The following IL1RAPL1 variants were observed in gnomAD, a reference collection of about 807,000 sequenced individuals.
The protein encoded by IL1RAPL1 is interleukin-1 receptor accessory protein-like 1.
A neutral mutation model predicts 48.4 loss-of-function variants in IL1RAPL1; 3 were observed. That is an observed-to-expected ratio of 0.06 (90% CI 0.03 to 0.16). IL1RAPL1 has a LOEUF of 0.16. Among genes scored for constraint, IL1RAPL1 ranks in the 10% least tolerant of loss-of-function variants. IL1RAPL1 has a pLI of 1.00. For missense variants in IL1RAPL1, 349 were observed against 530.6 expected, an observed-to-expected ratio of 0.66 and a Z score of 3.36; for synonymous variants, 185 against 187.7, an observed-to-expected ratio of 0.99 and a Z score of 0.12.
At chrX:28,632,185 T>A (rs1934408925) in intron 1 of IL1RAPL1, among the ~76,000 whole-genome samples, 1 of 111,575 alleles carries the variant, frequency 9.0e-6, no homozygotes, top group Non-Finnish European at 1.9e-5. Flanking sequence ...CAAGGTGTCG[T>A]TAATGGTGGT....
At chrX:29,904,557 G>A (rs1433735131) in intron 6 of IL1RAPL1, among the ~76,000 whole-genome samples, 4 of 106,432 alleles carry the variant, frequency 3.8e-5, no homozygotes, top group East Asian at 5.8e-4. Flanking sequence ...AGTGTGTGAT[G>A]TTCCCCTCCC....
intron 2 of IL1RAPL1, among the ~76,000 whole-genome samples, chrX:29,264,921 A>G (rs1261646716): frequency 2.7e-5 from 3 of 110,637 alleles, no homozygotes; most frequent in Admixed American, 1.9e-4. Flanking sequence ...TTTTTTTATT[A>G]TTATTTTTGA....
chrX:29,615,458 G>A (rs1468126196), intron 5 of IL1RAPL1, among the ~76,000 whole-genome samples: 5 of 110,964 alleles, frequency 4.5e-5, no homozygotes. Context: ...AAAGTTCTCT[G>A]CTAGCTTCCT....
chrX:29,336,308 T>G (rs1204009037), intron 3 of IL1RAPL1, among the ~76,000 whole-genome samples: 3 of 13,259 alleles, frequency 2.3e-4, no homozygotes, highest in South Asian at 2.7e-3. Flanking sequence ...TTTTGGGGTG[T>G]GTGTGTGTGT....
intron 2 of IL1RAPL1, among the ~76,000 whole-genome samples, chrX:29,073,624 G>T (rs1341222955): frequency 9.0e-6 from 1 of 111,004 alleles, no homozygotes; most frequent in Non-Finnish European, 1.9e-5. Flanking sequence ...TCCATATACT[G>T]TCTGATTCTT....
intron 2 of IL1RAPL1, among the ~76,000 whole-genome samples, chrX:28,884,383 A>T (rs893928072): frequency 2.7e-5 from 3 of 111,477 alleles, no homozygotes; most frequent in Non-Finnish European, 5.7e-5. Flanking sequence ...AAGGTATAGA[A>T]CTTTGGAAAC....
intron 2 of IL1RAPL1, among the ~76,000 whole-genome samples, chrX:29,032,909 G>T (rs1926653245): frequency 8.9e-6 from 1 of 112,296 alleles, no homozygotes; most frequent in South Asian, 3.6e-4. Flanking sequence ...AATTTTATAA[G>T]GTTGTATGAG....
intron 1 of IL1RAPL1, among the ~76,000 whole-genome samples, chrX:28,726,588 T>C (rs1282942225): frequency 8.9e-6 from 1 of 112,166 alleles, no homozygotes; most frequent in African/African-American, 3.2e-5. Context: ...TTAAACATTA[T>C]TTAAGAAATT....
intron 5 of IL1RAPL1, among the ~76,000 whole-genome samples, chrX:29,440,486 A>G (rs1309508204): frequency 8.9e-6 from 1 of 111,740 alleles, no homozygotes; most frequent in Non-Finnish European, 1.9e-5. Context: ...GCCAGTAATT[A>G]CTTTCAATCA....
intron 1 of IL1RAPL1, among the ~76,000 whole-genome samples, chrX:28,750,812 T>C (rs980028288): frequency 2.7e-5 from 3 of 112,216 alleles, no homozygotes; most frequent in Non-Finnish European, 5.6e-5. Context: ...GACAAATCAG[T>C]TTGGAAATAG....
At chrX:29,074,003 A>C (rs921817996) in intron 2 of IL1RAPL1, among the ~76,000 whole-genome samples, 5 of 111,372 alleles carry the variant, frequency 4.5e-5, no homozygotes, top group African/African-American at 1.3e-4. Flanking sequence ...TTTACAGTAT[A>C]TTTTGAGGGA....
chrX:29,732,846 G>C (rs2147131452), intron 6 of IL1RAPL1, among the ~76,000 whole-genome samples: 2 of 112,160 alleles, frequency 1.8e-5, no homozygotes, highest in South Asian at 7.3e-4. Context: ...TGCAATGGTT[G>C]CCAGAACTCT....
At chrX:28,872,196 T>G (rs926242911) in intron 2 of IL1RAPL1, among the ~76,000 whole-genome samples, 6 of 110,586 alleles carry the variant, frequency 5.4e-5, no homozygotes, top group African/African-American at 2.0e-4. Flanking sequence ...CAATTTTTTT[T>G]TTTTGTAATG....
At chrX:29,391,250 A>T (rs1172861867) in intron 3 of IL1RAPL1, among the ~76,000 whole-genome samples, 1 of 111,663 alleles carries the variant, frequency 9.0e-6, no homozygotes, top group Non-Finnish European at 1.9e-5. Context: ...GTACAACAGT[A>T]CTGAGAAACC....
chrX:28,934,895 G>A lies in IL1RAPL1; in HGVS notation c.82+145470G>A, dbSNP rs932692749. Among the ~76,000 whole-genome samples, 5 of 111,597 alleles carry A rather than the reference G, an allele frequency of 4.5e-5. No individual in the cohort carries two copies. The East Asian group carries it at 8.5e-4, about 19-fold the overall frequency. The stretch of plus-strand genomic sequence containing the variant: ...CTGTCTTTATGAATAGAAATGCTGT[G>A]TCATATAGTAACTCTATATTTAACT... On this transcript the variant is annotated intron_variant, in intron 2 of 10. Transcript: ENST00000378993.
chrX:29,239,750 A>G (rs1365238021), intron 2 of IL1RAPL1, among the ~76,000 whole-genome samples: 1 of 109,318 alleles, frequency 9.1e-6, no homozygotes, highest in Non-Finnish European at 1.9e-5. Context: ...CTCATCAGCT[A>G]TCATTAGTGT....
chrX:29,801,487 C>T (rs1047178500), intron 6 of IL1RAPL1, among the ~76,000 whole-genome samples: 2 of 111,063 alleles, frequency 1.8e-5, no homozygotes, highest in African/African-American at 6.6e-5. Context: ...GAGACTACAT[C>T]CCCCACAACC....
intron 5 of IL1RAPL1, among the ~76,000 whole-genome samples, chrX:29,484,790 A>G (rs1170350471): frequency 8.9e-6 from 1 of 112,023 alleles, no homozygotes. Context: ...GGAAGACAGA[A>G]CGCAAAGCAA....
At chrX:29,586,552 AT>A (rs903944398) in intron 5 of IL1RAPL1, among the ~76,000 whole-genome samples, 5 of 111,383 alleles carry the variant, frequency 4.5e-5, no homozygotes, top group African/African-American at 1.6e-4. Flanking sequence ...GAATTGTAGA[AT>A]TTTTTTTACC....
Sources: gnomAD v4.1 joint callset for allele counts (sites outside exome capture counted in the v4.1 genomes callset) on GRCh38, gnomAD v4.1.1 for gene constraint, MANE v1.5 for transcripts, NCBI Gene and HGNC (gene_info 2026-07-23, HGNC 2026-07-21) for gene names.